Variants in SLC37A3 observed in about 807,000 individuals in gnomAD.
The protein encoded by SLC37A3 is sugar phosphate exchanger 3.
A neutral mutation model predicts 67.1 loss-of-function variants in SLC37A3; 51 were observed. The observed-to-expected ratio is 0.76, with a 90% CI of 0.61 to 0.96. The LOEUF is 0.96. Among genes scored for constraint, SLC37A3 ranks in the 40% least tolerant of loss-of-function variants. SLC37A3 has a pLI of 0.00. For missense variants in SLC37A3, 508 were observed against 603.0 expected, an observed-to-expected ratio of 0.84 and a Z score of 1.65; for synonymous variants, 214 against 231.4, an observed-to-expected ratio of 0.92 and a Z score of 0.68.
At position 140,348,780 on chromosome 7, in the gene SLC37A3, C is replaced by CA; in HGVS notation, c.883-14dup. Reference sequence around the variant, plus strand: ...AGGCCAGTGAGTACTACAAGAAAAGCATTCAACTATCAGCGAGGGACAAAT... The same window carrying CA: ...AGGCCAGTGAGTACTACAAGAAAAGCAATTCAACTATCAGCGAGGGACAAAT... On this transcript the variant is annotated splice_polypyrimidine_tract_variant and intron_variant, in intron 9 of 14. Coordinates refer to ENST00000326232, the MANE Select transcript of SLC37A3 (RefSeq NM_207113.3). 2 of 1,611,732 alleles carry CA rather than the reference C, an allele frequency of 1.2e-6. No homozygotes were observed. Among genetic ancestry groups the CA allele is most frequent in the Non-Finnish European group, 1.7e-6 (2 of 1,178,962 alleles).
At chr7:140,383,268 A>G (rs1448034925) in intron 1 of SLC37A3, among the ~76,000 whole-genome samples, 1 of 152,078 alleles carries the variant, frequency 6.6e-6, no homozygotes, top group Non-Finnish European at 1.5e-5. Context: ...CCTATAAACA[A>G]AAGTATTTTT....
chr7:140,396,568 G>A lies in SLC37A3; in HGVS notation c.-71+1848C>T, dbSNP rs1466499452. Among the ~76,000 whole-genome samples, 5 of 152,144 alleles carry A rather than the reference G, an allele frequency of 3.3e-5. No individual in the cohort carries two copies. In the East Asian group the frequency reaches 9.7e-4, roughly 29 times the overall value. On this transcript the variant is annotated intron_variant, in intron 1 of 14. Coordinates refer to ENST00000326232, the MANE Select transcript of SLC37A3 (RefSeq NM_207113.3). ...TGTTCCAAAGACAACTAGTTTTCAA[G>A]ATAAAAATCTTTCCCTCTTCTACCA...
chr7:140,397,196 A>T (rs577902885), intron 1 of SLC37A3, among the ~76,000 whole-genome samples: 86 of 142,456 alleles, frequency 6.0e-4, no homozygotes, highest in African/African-American at 2.2e-3. Flanking sequence ...ACAAAAACTC[A>T]GTCTCAAAAA....
chr7:140,383,744 T>C (rs1347341115), intron 1 of SLC37A3, among the ~76,000 whole-genome samples: 1 of 152,036 alleles, frequency 6.6e-6, no homozygotes, highest in Non-Finnish European at 1.5e-5. Context: ...TGGCACGATC[T>C]CGACTCACTG....
chr7:140,362,157 CCCG>C (rs1456740801), intron 5 of SLC37A3, among the ~76,000 whole-genome samples: 54 of 141,046 alleles, frequency 3.8e-4, no homozygotes, highest in African/African-American at 8.2e-4. Context: ...GCGCCTCTTC[CCCG>C]CCGCCCATTG....
chr7:140,377,257 GTCTC>G (rs935524964), intron 3 of SLC37A3, among the ~76,000 whole-genome samples: 5 of 151,242 alleles, frequency 3.3e-5, no homozygotes, highest in Non-Finnish European at 7.4e-5. Flanking sequence ...AGAGACGGTG[GTCTC>G]TCTATGTTGC....
At chr7:140,383,861 G>A (rs1190320895) in intron 1 of SLC37A3, among the ~76,000 whole-genome samples, 1 of 152,018 alleles carries the variant, frequency 6.6e-6, no homozygotes, top group African/African-American at 2.4e-5. Flanking sequence ...ATTTTTTGTG[G>A]AAACATGGTT....
At chr7:140,363,699 AAT>A (rs1298910905) in intron 5 of SLC37A3, among the ~76,000 whole-genome samples, 19 of 89,358 alleles carry the variant, frequency 2.1e-4, no homozygotes, top group East Asian at 2.1e-3. Flanking sequence ...ATAAAAAAAA[AAT>A]AAATAAAAAA....
At chr7:140,337,576 C>G (rs1796193168) in intron 13 of SLC37A3, 1 of 362,138 alleles carries the variant, frequency 2.8e-6, no homozygotes, top group Non-Finnish European at 5.0e-6. Flanking sequence ...GTTGTCAGTT[C>G]AGAAGGTTTA....
chr7:140,336,223 G>A (rs1042048221), intron 14 of SLC37A3, among the ~76,000 whole-genome samples: 1 of 152,162 alleles, frequency 6.6e-6, no homozygotes, highest in Non-Finnish European at 1.5e-5. Context: ...ACCAGCCTGG[G>A]CAACATGGTG....
In SLC37A3 at chr7:140,361,946, G is replaced by A. The variant is rs1301357153; in HGVS notation, c.375+2462C>T. Among the ~76,000 whole-genome samples, 7 of 145,404 alleles carry A rather than the reference G, an allele frequency of 4.8e-5. No individual in the cohort carries two copies. In the East Asian group the frequency reaches 1.5e-3, roughly 31 times the overall value. On this transcript the variant is annotated intron_variant, in intron 5 of 14. Coordinates refer to ENST00000326232, the MANE Select transcript of SLC37A3 (RefSeq NM_207113.3). Reference sequence around the variant, plus strand: ...CTGCCTTGGCCCCCCAAAGTGCCGAGATTGCAGCCTCTGCCCAGCCGCCAC... The same window carrying A: ...CTGCCTTGGCCCCCCAAAGTGCCGAAATTGCAGCCTCTGCCCAGCCGCCAC...
chr7:140,343,860 A>C, intron 12 of SLC37A3: 1 of 315,904 alleles, frequency 3.2e-6, no homozygotes, highest in Non-Finnish European at 5.9e-6. Context: ...AACTAATTGC[A>C]CTAGCTTGTC....
At chr7:140,341,233 T>G (rs1412209348) in intron 13 of SLC37A3, among the ~76,000 whole-genome samples, 1 of 152,160 alleles carries the variant, frequency 6.6e-6, no homozygotes, top group Non-Finnish European at 1.5e-5. Context: ...ACACCTAGCC[T>G]CATGTACAAG....
At chr7:140,362,446 C>T (rs1797366869) in intron 5 of SLC37A3, among the ~76,000 whole-genome samples, 1 of 142,458 alleles carries the variant, frequency 7.0e-6, no homozygotes. Flanking sequence ...CCCCGCCCGG[C>T]CAGCCGCCCC....
At chr7:140,373,325 G>A (rs1381407276) in intron 3 of SLC37A3, among the ~76,000 whole-genome samples, 6 of 152,042 alleles carry the variant, frequency 3.9e-5, no homozygotes, top group Non-Finnish European at 7.4e-5. Context: ...CAAAGCAGCT[G>A]GAACATATTT....
At chr7:140,344,778 T>C (rs1796488659) in intron 12 of SLC37A3, among the ~76,000 whole-genome samples, 1 of 152,074 alleles carries the variant, frequency 6.6e-6, no homozygotes, top group South Asian at 2.1e-4. Flanking sequence ...ATAAATAAAG[T>C]AAGTAATTTT....
intron 7 of SLC37A3, among the ~76,000 whole-genome samples, chr7:140,353,249 G>A (rs1796885188): frequency 1.3e-5 from 2 of 152,166 alleles, no homozygotes; most frequent in African/African-American, 4.8e-5. Flanking sequence ...TTGGGAGGCC[G>A]AGGTGGGCGG....
chr7:140,363,556 C>CGGAAGG (rs1797457854), intron 5 of SLC37A3, among the ~76,000 whole-genome samples: 1 of 128,554 alleles, frequency 7.8e-6, no homozygotes, highest in Admixed American at 8.0e-5. Flanking sequence ...ACAAACACTT[C>CGGAAGG]GGAAGGCCGC....
intron 5 of SLC37A3, among the ~76,000 whole-genome samples, chr7:140,361,403 A>G (rs1302761317): frequency 6.6e-6 from 1 of 150,968 alleles, no homozygotes; most frequent in African/African-American, 2.4e-5. Flanking sequence ...AATCGCTTGA[A>G]CCTGGGAGGT....
Sources: gnomAD v4.1 joint callset for allele counts (sites outside exome capture counted in the v4.1 genomes callset) on GRCh38, gnomAD v4.1.1 for gene constraint, MANE v1.5 for transcripts, NCBI Gene and HGNC (gene_info 2026-07-23, HGNC 2026-07-21) for gene names.